GOLGA4: variants seen among roughly 807,000 people sequenced by gnomAD.
GOLGA4 encodes golgin A4.
A neutral mutation model predicts 265.9 loss-of-function variants in GOLGA4; 169 were observed. The observed-to-expected ratio is 0.64, with a 90% CI of 0.56 to 0.72. GOLGA4 has a LOEUF of 0.72. GOLGA4 is among the 30% of genes least tolerant of loss of function. GOLGA4 has a pLI of 0.00. For synonymous variants in GOLGA4, 923 were observed against 855.8 expected (o/e 1.08, Z -1.37); for missense variants, 2,482 against 2,483.4 (o/e 1.00, Z 0.01).
At chr3:37,365,090 T>A (rs1336719424) in intron 23 of GOLGA4, among the ~76,000 whole-genome samples, 6 of 152,132 alleles carry the variant, frequency 3.9e-5, no homozygotes, top group African/African-American at 1.2e-4. Context: ...AGCAATGGGA[T>A]CTCACTATGT....
chr3:37,267,774 A>G (rs1179565200), intron 2 of GOLGA4, among the ~76,000 whole-genome samples: 1 of 152,254 alleles, frequency 6.6e-6, no homozygotes, highest in Non-Finnish European at 1.5e-5. Flanking sequence ...TTTCTAAACA[A>G]TAAGAATTGA....
At chr3:37,352,031 G>T (rs1361814383) in intron 21 of GOLGA4, among the ~76,000 whole-genome samples, 1 of 151,828 alleles carries the variant, frequency 6.6e-6, no homozygotes, top group Non-Finnish European at 1.5e-5. Flanking sequence ...CAAATAGAAG[G>T]CTGTTTCATC....
chr3:37,243,746 C>A (rs570475009), intron 1 of GOLGA4, 124 bp downstream of exon 1: 7 of 757,812 alleles, frequency 9.2e-6, no homozygotes, highest in Middle Eastern at 3.8e-4. Context: ...GCACTTTTCC[C>A]AAACTCCGGA....
At chr3:37,299,736 T>A (rs1168828820) in intron 9 of GOLGA4, among the ~76,000 whole-genome samples, 3 of 152,170 alleles carry the variant, frequency 2.0e-5, no homozygotes, top group African/African-American at 7.2e-5. Context: ...CAGATTAATC[T>A]CTCAGATAAG....
In GOLGA4 at chr3:37,329,692, A is replaced by AT. The variant is rs573885212; in HGVS notation, c.6192+599_6192+600insT. 2.3e-3 allele frequency among the ~76,000 whole-genome samples: 347 copies of AT among 152,354 alleles called. 3 individuals are homozygous for AT. Among genetic ancestry groups the AT allele is most frequent in the Admixed American group, 2.2e-3 (33 of 15,304 alleles). Reference sequence around the variant, plus strand: ...GTTGCAATTCACAGAATATGCCACTAATGCATTGCCATTAGCAAAATAAGA... The same window carrying AT: ...GTTGCAATTCACAGAATATGCCACTATATGCATTGCCATTAGCAAAATAAGA... On this transcript the variant is annotated intron_variant, in intron 16 of 23. Coordinates refer to ENST00000361924, the MANE Select transcript of GOLGA4 (RefSeq NM_002078.5).
chr3:37,345,177 T>G (rs2097052243), intron 20 of GOLGA4, among the ~76,000 whole-genome samples: 1 of 152,200 alleles, frequency 6.6e-6, no homozygotes, highest in Non-Finnish European at 1.5e-5. Context: ...ACCATTGCAT[T>G]CTATCCTGGG....
At chr3:37,318,948 A>AT (rs1382677857) in intron 11 of GOLGA4, 115 bp from the exon 12 acceptor site, 13 of 683,898 alleles carry the variant, frequency 1.9e-5, no homozygotes, top group South Asian at 5.8e-5. Context: ...TAGGAATGTG[A>AT]TTTTTTCTTC....
At chr3:37,337,284 CTG>C in intron 18 of GOLGA4, 121 bp downstream of exon 18, 1 of 640,950 alleles carries the variant, frequency 1.6e-6, no homozygotes, top group Non-Finnish European at 2.7e-6. Context: ...ACTGCAACCT[CTG>C]CCTCCTGAGT....
Position 37,323,806 on chromosome 3 carries a change from T to C in GOLGA4, c.1920T>C (p.Thr640=). ...AAGTCTTAAAGCAACAATATCAGAC[T>C]GAAATGGAAAAACTTAGGGAAAAGT... is the stretch of plus-strand genomic sequence containing the variant. ...KLQVLKQQYQ[T]EMEKLREKCE... is the part of the protein sequence containing the mutation. The change falls in exon 14 of 24, where the codon ACT becomes ACC. Residue 640 remains threonine (T), a synonymous_variant. Transcript: ENST00000361924. 1 of 1,609,174 alleles carries C rather than the reference T, an allele frequency of 6.2e-7. No homozygotes were observed. Among genetic ancestry groups the C allele is most frequent in the East Asian group, 2.2e-5 (1 of 44,834 alleles).
chr3:37,319,204 T>TG lies in GOLGA4; in HGVS notation c.1545+10_1545+11insG. Reference sequence around the variant, plus strand: ...AATGAAAGTAGCTCTTGTAAGTGACTATTTTTTTTTTTCTGCTATAGGTAT... The same window carrying TG: ...AATGAAAGTAGCTCTTGTAAGTGACTGATTTTTTTTTTTCTGCTATAGGTAT... On this transcript the variant is annotated intron_variant, in intron 12 of 23. Transcript: ENST00000361924. The TG allele has an allele frequency of 1.3e-6, 2 of 1,585,126 alleles. No individual in the cohort carries two copies. The highest frequency in any genetic ancestry group is 3.7e-5 in the Admixed American group (2 of 54,382).
intron 11 of GOLGA4, among the ~76,000 whole-genome samples, chr3:37,316,385 C>T (rs1176082313): frequency 6.6e-6 from 1 of 152,074 alleles, no homozygotes; most frequent in Non-Finnish European, 1.5e-5. Context: ...TTTCAATATG[C>T]ATTTCTATAA....
intron 1 of GOLGA4, among the ~76,000 whole-genome samples, chr3:37,245,784 C>T (rs535518216): frequency 6.6e-6 from 1 of 152,066 alleles, no homozygotes; most frequent in East Asian, 1.9e-4. Context: ...GGCTGGTCTC[C>T]AACTCCGGAC....
At position 37,302,351 on chromosome 3, in the gene GOLGA4, CTT is replaced by C; in HGVS notation, c.1234+20_1234+21del. 2 of 1,602,000 alleles carry C rather than the reference CTT, an allele frequency of 1.2e-6. No homozygotes were observed. Among genetic ancestry groups the C allele is most frequent in the Non-Finnish European group, 1.7e-6 (2 of 1,173,758 alleles). On this transcript the variant is annotated intron_variant, in intron 10 of 23. Coordinates refer to ENST00000361924, the MANE Select transcript of GOLGA4 (RefSeq NM_002078.5). Reference sequence around the variant, plus strand: ...AGAGCTGGTAAGAACTTGAGGGTTACTTGTTTTATGTTGGAACTCAAAAGTTA... The same window carrying C: ...AGAGCTGGTAAGAACTTGAGGGTTACGTTTTATGTTGGAACTCAAAAGTTA...
At chr3:37,363,996 G>A (rs939966061) in intron 23 of GOLGA4, among the ~76,000 whole-genome samples, 3 of 152,116 alleles carry the variant, frequency 2.0e-5, no homozygotes, top group Non-Finnish European at 4.4e-5. Context: ...TCTTGTTGGT[G>A]TCTTCTTTAG....
chr3:37,273,696 G>T (rs2096805207), intron 2 of GOLGA4: 1 of 719,226 alleles, frequency 1.4e-6, no homozygotes, highest in Non-Finnish European at 2.5e-6. Context: ...ACATTGAAAT[G>T]GTGATGTCCA....
intron 2 of GOLGA4, among the ~76,000 whole-genome samples, chr3:37,259,232 T>C (rs182528137): frequency 5.1e-4 from 78 of 152,346 alleles, no homozygotes; most frequent in Admixed American, 5.0e-3. Context: ...GTCCATTTCA[T>C]TTATCTCATT....
intron 17 of GOLGA4, among the ~76,000 whole-genome samples, chr3:37,336,424 A>G (rs1348658398): frequency 6.6e-6 from 1 of 152,028 alleles, no homozygotes; most frequent in Non-Finnish European, 1.5e-5. Context: ...AATAAGAAGG[A>G]CTTCTGAGTC....
Position 37,243,600 on chromosome 3 carries a change from AGCAGGC to A in GOLGA4, c.53_58del (p.Gln18_Ala19del). ...ATCAGCGAGGAGCAGCAGCAGCTCC[AGCAGGC>A]GCTGGCTCCTGCTCAGGTACGATGG... On this transcript the variant is annotated inframe_deletion, in exon 1 of 24. Transcript: ENST00000361924. 6.2e-7 allele frequency: 1 copy of A among 1,613,668 alleles called. No individual in the cohort carries two copies. The highest frequency in any genetic ancestry group is 2.2e-5 in the East Asian group (1 of 44,870).
intron 2 of GOLGA4, among the ~76,000 whole-genome samples, chr3:37,278,332 T>TG (rs1173908093): frequency 2.6e-5 from 4 of 152,022 alleles, no homozygotes; most frequent in Non-Finnish European, 5.9e-5. Flanking sequence ...CCTGAGTAGC[T>TG]GGGATTGCAG....
Sources: gnomAD v4.1 joint callset for allele counts (sites outside exome capture counted in the v4.1 genomes callset) on GRCh38, gnomAD v4.1.1 for gene constraint, MANE v1.5 for transcripts, NCBI Gene and HGNC (gene_info 2026-07-23, HGNC 2026-07-21) for gene names.